Variants in BRD9 observed in about 807,000 individuals in gnomAD.
BRD9 encodes the protein bromodomain-containing protein 9.
Under a neutral mutation model 68.7 loss-of-function variants are expected in BRD9, and 47 were observed. That is an observed-to-expected ratio of 0.68 (90% CI 0.54 to 0.87). The LOEUF (loss-of-function observed/expected upper bound fraction) is 0.87. Ranked by LOEUF, BRD9 falls within the 40% of genes least tolerant of loss-of-function variation. The pLI is 0.00. For missense variants in BRD9, 670 were observed against 748.4 expected, an observed-to-expected ratio of 0.90 and a Z score of 1.22; for synonymous variants, 313 against 293.9, an observed-to-expected ratio of 1.06 and a Z score of -0.67.
chr5:876,773 C>G (rs1289589363), intron 11 of BRD9, among the ~76,000 whole-genome samples: 1 of 152,216 alleles, frequency 6.6e-6, no homozygotes, highest in East Asian at 1.9e-4. Context: ...AAGGGCTCCC[C>G]AGACTCCAAA....
At chr5:875,885 G>T (rs1345605136) in intron 12 of BRD9, among the ~76,000 whole-genome samples, 1 of 152,240 alleles carries the variant, frequency 6.6e-6, no homozygotes, top group Non-Finnish European at 1.5e-5. Flanking sequence ...GATGGAAATA[G>T]AGAGTTACGA....
chr5:878,360 C>A lies in BRD9; in HGVS notation c.1266G>T (p.Ala422=), dbSNP rs145445077. ...TCCCCGGGGCCGACACTTGCCTCAG[C>A]GCACACTGCACGCCTGTCTCATCTC... ...AYGDETGVQC[A]LSLQEFVKDA... Residue 422 remains alanine (A), a synonymous_variant, in exon 11 of 16, where the codon GCG becomes GCT. Transcript: ENST00000467963. The A allele has an allele frequency of 6.2e-7, 1 of 1,613,846 alleles. No homozygotes were observed. The highest frequency in any genetic ancestry group is 2.2e-5 in the East Asian group (1 of 44,886).
intron 4 of BRD9, 109 bp from the exon 5 acceptor site, chr5:889,274 T>TA: frequency 8.2e-7 from 1 of 1,218,224 alleles, no homozygotes; most frequent in Non-Finnish European, 1.1e-6. Context: ...TTCTTAAAAA[T>TA]AAAAAAGTTA....
Position 884,034 on chromosome 5 carries a change from C to T in BRD9, c.870G>A (p.Leu290=). 1 of 1,613,908 alleles carries T rather than the reference C, an allele frequency of 6.2e-7. No individual in the cohort carries two copies. The highest frequency in any genetic ancestry group is 8.5e-7 in the Non-Finnish European group (1 of 1,180,046). Residue 290 remains leucine (L), a synonymous_variant, in exon 8 of 16, where the codon TTG becomes TTA. Transcript: ENST00000467963. Reference sequence around the variant, plus strand: ...CGTGCTCCTCTGCGGTACTGTCCGTCAAGCTGCAGGCATTCCCTTCAGGCT... The same window carrying T: ...CGTGCTCCTCTGCGGTACTGTCCGTTAAGCTGCAGGCATTCCCTTCAGGCT... The part of the protein sequence containing the change: ...MFEPEGNACS[L]TDSTAEEHVL...
chr5:886,218 C>A (rs979203486), intron 7 of BRD9, among the ~76,000 whole-genome samples: 2 of 152,270 alleles, frequency 1.3e-5, no homozygotes, highest in African/African-American at 4.8e-5. Context: ...ATGCTGGCTG[C>A]CCAAAGTCAG....
intron 14 of BRD9, chr5:868,902 C>G (rs1407922949): frequency 6.1e-6 from 1 of 162,814 alleles, no homozygotes; most frequent in Non-Finnish European, 1.3e-5. Context: ...CCAGGCACCA[C>G]AAATGCTGCT....
At position 891,267 on chromosome 5, in the gene BRD9, T is replaced by C. The variant is rs1254806243; in HGVS notation, c.288A>G (p.Arg96=). 10 of 1,551,522 alleles carry C rather than the reference T, an allele frequency of 6.4e-6. No individual in the cohort carries two copies. The highest frequency in any genetic ancestry group is 1.2e-5 in the South Asian group (1 of 84,054). Residue 96 remains arginine, a synonymous_variant, in exon 3 of 16, where the codon CGA becomes CGG. Transcript: ENST00000467963. ...RKRKEEKKRK[R]EREHCDTEGE... The stretch of plus-strand genomic sequence containing the variant: ...CCTCCGTGTCACAGTGCTCCCTCTC[T>C]CGCTTCCGCTTCTTCTCTTCCTGGG...
chr5:891,579 G>A (rs1000697228), intron 2 of BRD9, 61 bp downstream of exon 2: 2 of 1,529,138 alleles, frequency 1.3e-6, no homozygotes, highest in Non-Finnish European at 1.8e-6. Flanking sequence ...TGGGTCCTGG[G>A]ACCAGGCTCC....
At chr5:891,497 C>T in intron 2 of BRD9, 143 bp downstream of exon 2, 1 of 1,361,594 alleles carries the variant, frequency 7.3e-7, no homozygotes. Context: ...AGTCTGCGGG[C>T]CTCAGCGGTT....
intron 11 of BRD9, 106 bp from the exon 12 acceptor site, chr5:876,318 C>T: frequency 1.3e-6 from 1 of 759,336 alleles, no homozygotes; most frequent in Non-Finnish European, 2.2e-6. Context: ...CTCCTCGGTC[C>T]CCGTGACCCT....
At position 889,001 on chromosome 5, in the gene BRD9, G is replaced by A. The variant is rs369348403; in HGVS notation, c.606+20C>T. 4.5e-5 allele frequency: 72 copies of A among 1,600,174 alleles called. 1 individual carries two copies. The highest frequency in any genetic ancestry group is 4.3e-4 in the African/African-American group (32 of 74,270). On this transcript the variant is annotated intron_variant, in intron 5 of 15. Coordinates refer to ENST00000467963, the MANE Select transcript of BRD9 (RefSeq NM_023924.5). ...CACAGAACTATGCCACGATTACTTC[G>A]GGCAATGAAAGTAACTTACCTTAAA...
In BRD9 at chr5:886,674, C is replaced by G. The variant is rs1411655124; in HGVS notation, c.751G>C (p.Val251Leu). 1.1e-5 allele frequency: 17 copies of G among 1,614,168 alleles called. No individual in the cohort carries two copies. Among genetic ancestry groups the G allele is most frequent in the Non-Finnish European group, 1.4e-5 (17 of 1,179,990 alleles). The change falls in exon 7 of 16, where the codon GTT becomes CTT. Residue 251 changes from valine to leucine, a missense_variant. This residue lies in a region of BRD9 where 135 missense variants were observed against 141.2 expected (regional missense o/e 0.96). Transcript: ENST00000467963. ...ACAACTTCAGGGACAGGTTCCTCAA[C>G]AGCTGTATCTTCATTGCCCAAAAGA... is the stretch of plus-strand genomic sequence containing the variant. ...AALLGNEDTA[V>L]EEPVPEVVPV...
At chr5:872,738 A>G (rs576341) in intron 12 of BRD9, among the ~76,000 whole-genome samples, 98 of 152,336 alleles carry the variant, frequency 6.4e-4, no homozygotes, top group African/African-American at 2.3e-3. Flanking sequence ...GAGTTCCTTC[A>G]AGGGAAATTC....
intron 7 of BRD9, among the ~76,000 whole-genome samples, chr5:885,797 T>G: frequency 6.6e-6 from 1 of 152,340 alleles, no homozygotes; most frequent in South Asian, 2.1e-4. Flanking sequence ...CTATGTTAAG[T>G]GCTCTTGGTG....
intron 12 of BRD9, among the ~76,000 whole-genome samples, chr5:874,684 TACAC>T (rs1364666338): frequency 1.9e-4 from 29 of 152,264 alleles, no homozygotes; most frequent in African/African-American, 6.7e-4. Context: ...AGGAAAAACA[TACAC>T]ACAACATGAG....
intron 14 of BRD9, 134 bp from the exon 15 acceptor site, chr5:865,715 G>A: frequency 3.0e-6 from 3 of 986,164 alleles, no homozygotes; most frequent in Non-Finnish European, 4.5e-6. Flanking sequence ...GAGTGGACGA[G>A]CTCACAGCAG....
intron 13 of BRD9, 43 bp downstream of exon 13, chr5:871,483 T>C (rs55744146): frequency 0.063 from 98,681 of 1,576,066 alleles, 5,283 homozygotes; most frequent in African/African-American, 0.29. Context: ...ACTTTCCCTG[T>C]GAGAATAATA....
At chr5:887,250 G>A in intron 6 of BRD9, 111 bp downstream of exon 6, 1 of 887,928 alleles carries the variant, frequency 1.1e-6, no homozygotes, top group Non-Finnish European at 1.8e-6. Flanking sequence ...AACACCATGA[G>A]GGTGGCGGGT....
chr5:869,580 A>T (rs981707984), intron 14 of BRD9, among the ~76,000 whole-genome samples: 1 of 152,152 alleles, frequency 6.6e-6, no homozygotes, highest in African/African-American at 2.4e-5. Context: ...CTCATGAGTG[A>T]TGTTTGCCAT....
Sources: gnomAD v4.1 joint callset for allele counts (sites outside exome capture counted in the v4.1 genomes callset) on GRCh38, gnomAD v4.1.1 for gene constraint, gnomAD v4.1.1 regional missense constraint, MANE v1.5 for transcripts, NCBI Gene and HGNC (gene_info 2026-07-23, HGNC 2026-07-21) for gene names.